Variants in TIAM1 observed in about 807,000 individuals in gnomAD.
TIAM1 encodes TIAM Rac1 associated GEF 1, also known as rho guanine nucleotide exchange factor TIAM1.
A neutral mutation model predicts 163.5 loss-of-function variants in TIAM1; 65 were observed. The ratio of observed to expected loss-of-function variants is 0.40; its 90% CI spans 0.33 to 0.49. The LOEUF is 0.49. Among genes scored for constraint, TIAM1 ranks in the 20% least tolerant of loss-of-function variants. The probability of loss-of-function intolerance (pLI) is 0.77; values close to 1 mark genes in which losing one functional copy is unlikely to be tolerated. For missense variants in TIAM1, 1,789 were observed against 2,044.7 expected (o/e 0.87, Z 2.41); for synonymous variants, 833 against 810.1 (o/e 1.03, Z -0.48).
chr21:31,319,144 T>C (rs1783087), intron 2 of TIAM1, among the ~76,000 whole-genome samples: 87,502 of 151,876 alleles, frequency 0.58, 25,640 homozygotes, highest in South Asian at 0.7. Context: ...TGCCAGGCCT[T>C]TTGTTTCTGG....
intron 1 of TIAM1, among the ~76,000 whole-genome samples, chr21:31,550,885 T>C (rs910234591): frequency 1.2e-4 from 18 of 152,132 alleles, no homozygotes; most frequent in African/African-American, 4.3e-4. Flanking sequence ...AAGGTCTATG[T>C]CAGTAATATA....
At chr21:31,482,254 T>C (rs6517041) in intron 1 of TIAM1, among the ~76,000 whole-genome samples, 4,613 of 151,974 alleles carry the variant, frequency 0.03, 241 homozygotes, top group African/African-American at 0.11. Flanking sequence ...CAGGTTCAAG[T>C]GATTCTCCTG....
At chr21:31,556,417 T>C (rs995955381) in intron 1 of TIAM1, among the ~76,000 whole-genome samples, 3 of 149,392 alleles carry the variant, frequency 2.0e-5, no homozygotes, top group Admixed American at 1.3e-4. Context: ...ACAAGTCGAG[T>C]TTATGTTTGT....
chr21:31,460,190 G>C (rs1229901362), intron 2 of TIAM1, among the ~76,000 whole-genome samples: 1 of 152,162 alleles, frequency 6.6e-6, no homozygotes, highest in East Asian at 1.9e-4. Context: ...TCTCCTCCCT[G>C]ACAAACCCCA....
chr21:31,229,315 G>A (rs555873519), intron 6 of TIAM1, among the ~76,000 whole-genome samples: 3 of 152,182 alleles, frequency 2.0e-5, no homozygotes, highest in East Asian at 3.9e-4. Context: ...CCATCAAAAT[G>A]TGCCTTTTCT....
intron 20 of TIAM1, among the ~76,000 whole-genome samples, chr21:31,143,189 T>G (rs2146281791): frequency 6.6e-6 from 1 of 152,280 alleles, no homozygotes; most frequent in Admixed American, 6.5e-5. Flanking sequence ...AGCAGCATCC[T>G]TTATGATAAA....
At chr21:31,138,982 T>G (rs1227615866) in intron 22 of TIAM1, among the ~76,000 whole-genome samples, 1 of 152,200 alleles carries the variant, frequency 6.6e-6, no homozygotes, top group Non-Finnish European at 1.5e-5. Flanking sequence ...CCAGTGTCCC[T>G]CCTTCCATCT....
Position 31,442,800 on chromosome 21 carries a change from T to C in TIAM1, c.-369+21183A>G, listed in dbSNP as rs183898033. On this transcript the variant is annotated intron_variant, in intron 2 of 28. Coordinates refer to the TIAM1 transcript ENST00000286827. ...AGTTTCATCAAGGAGGGAATTATTG[T>C]CAAGGTAGGGCTCTGGAATTCTGTA... Among the ~76,000 whole-genome samples the C allele has an allele frequency of 1.3e-3, 203 of 152,256 alleles. 1 individual carries two copies. Among genetic ancestry groups the C allele is most frequent in the African/African-American group, 4.8e-3 (200 of 41,540 alleles).
chr21:31,199,109 AAGATCACC>A (rs564103409), intron 12 of TIAM1, among the ~76,000 whole-genome samples: 165 of 152,322 alleles, frequency 1.1e-3, no homozygotes, highest in African/African-American at 3.3e-3. Flanking sequence ...ACTGGATGAG[AAGATCACC>A]AGATTTTAAG....
intron 1 of TIAM1, among the ~76,000 whole-genome samples, chr21:31,525,263 G>A (rs187380412): frequency 1.2e-4 from 18 of 151,900 alleles, no homozygotes; most frequent in Admixed American, 7.2e-4. Context: ...CAGCTACTTC[G>A]GAGGCTGAGG....
intron 27 of TIAM1, among the ~76,000 whole-genome samples, chr21:31,123,398 C>T (rs1229763960): frequency 6.6e-6 from 1 of 152,174 alleles, no homozygotes; most frequent in African/African-American, 2.4e-5. Flanking sequence ...CGAAACTGCG[C>T]ATATGGACGT....
chr21:31,416,432 T>C (rs761821889), intron 2 of TIAM1, among the ~76,000 whole-genome samples: 8 of 152,190 alleles, frequency 5.3e-5, no homozygotes, highest in Non-Finnish European at 1.0e-4. Context: ...CCAAACAGTA[T>C]ACACTGTACC....
chr21:31,424,848 C>T (rs1303092388), intron 2 of TIAM1, among the ~76,000 whole-genome samples: 1 of 151,918 alleles, frequency 6.6e-6, no homozygotes. Flanking sequence ...GTCAGGAGTT[C>T]GAGACCAGCC....
At chr21:31,136,275 CTTGTCAATTTCATGTT>C (rs1199923904) in intron 22 of TIAM1, among the ~76,000 whole-genome samples, 1 of 152,138 alleles carries the variant, frequency 6.6e-6, no homozygotes, top group Non-Finnish European at 1.5e-5. Flanking sequence ...AAAATTTTTA[CTTGTCAATTTCATGTT>C]TTTGAGAAAA....
intron 2 of TIAM1, among the ~76,000 whole-genome samples, chr21:31,331,326 C>CA (rs2075671887): frequency 6.6e-6 from 1 of 152,138 alleles, no homozygotes; most frequent in East Asian, 1.9e-4. Context: ...CATCTCAAGG[C>CA]AGATAGGTTC....
chr21:31,533,818 T>C (rs1283547451), intron 1 of TIAM1, among the ~76,000 whole-genome samples: 5 of 152,258 alleles, frequency 3.3e-5, no homozygotes, highest in African/African-American at 1.2e-4. Flanking sequence ...TTGTAGTTTA[T>C]GCTGACAGTA....
intron 2 of TIAM1, among the ~76,000 whole-genome samples, chr21:31,368,978 G>A (rs2076545811): frequency 5.3e-5 from 8 of 152,116 alleles, no homozygotes; most frequent in Admixed American, 5.2e-4. Context: ...GGTGGCTCAC[G>A]CCTGTAATCC....
chr21:31,315,931 C>G (rs537255294), intron 2 of TIAM1, among the ~76,000 whole-genome samples: 1 of 152,228 alleles, frequency 6.6e-6, no homozygotes, highest in African/African-American at 2.4e-5. Flanking sequence ...GAGCCGAGAT[C>G]GCGCCACTGC....
At chr21:31,513,930 C>T (rs1421691558) in intron 1 of TIAM1, among the ~76,000 whole-genome samples, 2 of 152,148 alleles carry the variant, frequency 1.3e-5, no homozygotes, top group African/African-American at 4.8e-5. Context: ...TCACTTGAAC[C>T]TGGGAGGCAG....
Sources: gnomAD v4.1 joint callset for allele counts (sites outside exome capture counted in the v4.1 genomes callset) on GRCh38, gnomAD v4.1.1 for gene constraint, MANE v1.5 for transcripts, NCBI Gene and HGNC (gene_info 2026-07-23, HGNC 2026-07-21) for gene names.